The following LASP1NB variants were observed in gnomAD, a reference collection of about 807,000 sequenced individuals.
The protein encoded by LASP1NB is LASP1 neighbor protein.
the LASP1NB span, chr17:38,928,803 G>A: frequency 2.6e-5 from 4 of 152,098 alleles, no homozygotes; most frequent in East Asian, 1.9e-4. Context: ...TATAATTTCC[G>A]TCTTCAAGCC....
At chr17:38,927,961 G>C in the LASP1NB span, 2 of 152,100 alleles carry the variant, frequency 1.3e-5, no homozygotes, top group African/African-American at 2.4e-5. Context: ...AGAATCGCTT[G>C]AACCTGGGAG....
chr17:38,927,163 A>G, the LASP1NB span: 2 of 151,998 alleles, frequency 1.3e-5, no homozygotes, highest in East Asian at 3.8e-4. Context: ...CTTTTCTGGA[A>G]AAAACTTTCC....
the LASP1NB span, chr17:38,928,822 A>G: frequency 3.9e-5 from 6 of 152,232 alleles, no homozygotes; most frequent in African/African-American, 1.4e-4. Flanking sequence ...CCAAGACAGC[A>G]GCTCTACATC....
the LASP1NB span, chr17:38,925,909 AAAAG>A: frequency 2.5e-6 from 1 of 396,094 alleles, no homozygotes; most frequent in Non-Finnish European, 4.4e-6. Flanking sequence ...TTCCAAAAAA[AAAAG>A]AAAAGAAAAA....
chr17:38,926,724 G>A, the LASP1NB span: 1 of 152,158 alleles, frequency 6.6e-6, no homozygotes, highest in Non-Finnish European at 1.5e-5. Context: ...AGTTTCCTTA[G>A]ATCTAAATGC....
At chr17:38,925,973 A>G in the LASP1NB span, 1 of 379,682 alleles carries the variant, frequency 2.6e-6, no homozygotes, top group Admixed American at 4.5e-5. Flanking sequence ...TCTGAAAAGA[A>G]TAAGAAATGC....
the LASP1NB span, chr17:38,927,037 T>C: frequency 6.6e-6 from 1 of 152,176 alleles, no homozygotes; most frequent in East Asian, 1.9e-4. Context: ...GATTGAATTA[T>C]AAATGATAGA....
the LASP1NB span, chr17:38,926,837 G>C: frequency 6.6e-6 from 1 of 152,130 alleles, no homozygotes; most frequent in African/African-American, 2.4e-5. Flanking sequence ...CTATGAAGTA[G>C]TCACTTTATC....
chr17:38,927,305 T>G, the LASP1NB span: 1 of 152,318 alleles, frequency 6.6e-6, no homozygotes, highest in Middle Eastern at 3.4e-3. Flanking sequence ...AATTTTCCTT[T>G]CTTGCTTAAA....
At chr17:38,929,370 A>G in the LASP1NB span, 1 of 152,214 alleles carries the variant, frequency 6.6e-6, no homozygotes, top group Non-Finnish European at 1.5e-5. Context: ...TAAAATGTCA[A>G]TGAGATAAAA....
the LASP1NB span, chr17:38,929,284 C>A: frequency 6.6e-6 from 1 of 152,082 alleles, no homozygotes; most frequent in Non-Finnish European, 1.5e-5. Context: ...TAATAAAACA[C>A]TGCAAAAAGT....
At chr17:38,925,831 A>G in the LASP1NB span, 1 of 398,460 alleles carries the variant, frequency 2.5e-6, no homozygotes. Flanking sequence ...GATGGAGATG[A>G]ATGGCCGAGT....
the LASP1NB span, chr17:38,927,113 T>TGTGTGC: frequency 7.1e-6 from 1 of 141,798 alleles, no homozygotes; most frequent in Non-Finnish European, 1.5e-5. Flanking sequence ...TGTGTGTGTG[T>TGTGTGC]GTGTGCGTGT....
chr17:38,926,225 C>T, the LASP1NB span, among the ~76,000 whole-genome samples: 1 of 152,114 alleles, frequency 6.6e-6, no homozygotes, highest in Non-Finnish European at 1.5e-5. Context: ...TTGTTTACAA[C>T]TATGCTTGTA....
the LASP1NB span, chr17:38,925,652 G>A: frequency 7.5e-6 from 3 of 398,612 alleles, no homozygotes; most frequent in Middle Eastern, 6.3e-4. Flanking sequence ...ACAGCTCACG[G>A]TTCACCAGAA....
chr17:38,928,155 T>C, the LASP1NB span: 3 of 152,164 alleles, frequency 2.0e-5, no homozygotes, highest in Non-Finnish European at 2.9e-5. Flanking sequence ...CATTTAAACT[T>C]TAGGGCTAGG....
At chr17:38,927,279 T>G in the LASP1NB span, 1 of 152,206 alleles carries the variant, frequency 6.6e-6, no homozygotes. Context: ...AAGTCTATCA[T>G]AATTGTTCTA....
chr17:38,925,940 T>C, the LASP1NB span: 1 of 391,324 alleles, frequency 2.6e-6, no homozygotes, highest in Non-Finnish European at 4.5e-6. Flanking sequence ...GAGTTTGCTT[T>C]CCTATTTTTT....
the LASP1NB span, chr17:38,925,902 C>CAA: frequency 1.2e-5 from 4 of 320,132 alleles, no homozygotes; most frequent in African/African-American, 4.6e-5. Flanking sequence ...GTATTGATTC[C>CAA]AAAAAAAAAA....
Sources: gnomAD v4.1 joint callset for allele counts (sites outside exome capture counted in the v4.1 genomes callset) on GRCh38, gnomAD v4.1.1 for gene constraint, MANE v1.5 for transcripts, NCBI Gene and HGNC (gene_info 2026-07-23, HGNC 2026-07-21) for gene names.